NAV2: variants seen among roughly 807,000 people sequenced by gnomAD.
The protein encoded by NAV2 is neuron navigator 2, also known as helicase, APC down-regulated 1.
A neutral mutation model predicts 223.2 loss-of-function variants in NAV2; 54 were observed. The ratio of observed to expected loss-of-function variants is 0.24; its 90% CI spans 0.19 to 0.30. NAV2 has a LOEUF of 0.30. Among genes scored for constraint, NAV2 ranks in the 10% least tolerant of loss-of-function variants. The pLI is 1.00. For missense variants in NAV2, 2,806 were observed against 3,147.5 expected (o/e 0.89, Z 2.60); for synonymous variants, 1,279 against 1,239.3 (o/e 1.03, Z -0.67).
At chr11:19,482,448 T>C (rs2042309353) in intron 1 of NAV2, among the ~76,000 whole-genome samples, 1 of 152,270 alleles carries the variant, frequency 6.6e-6, no homozygotes, top group African/African-American at 2.4e-5. Flanking sequence ...TTGTTGCCTG[T>C]GGAACTGGAA....
At chr11:19,629,206 C>T (rs1349143135) in intron 1 of NAV2, among the ~76,000 whole-genome samples, 1 of 152,086 alleles carries the variant, frequency 6.6e-6, no homozygotes, top group African/African-American at 2.4e-5. Flanking sequence ...GCCCCAACCC[C>T]ACTCACCAGC....
At chr11:19,468,164 C>T (rs1487710156) in intron 1 of NAV2, among the ~76,000 whole-genome samples, 1 of 152,204 alleles carries the variant, frequency 6.6e-6, no homozygotes, top group East Asian at 1.9e-4. Context: ...CCACTACTCA[C>T]TTGCTGCGTG....
chr11:19,683,284 G>A (rs764319315), intron 1 of NAV2, among the ~76,000 whole-genome samples: 7 of 152,136 alleles, frequency 4.6e-5, no homozygotes, highest in East Asian at 1.9e-4. Flanking sequence ...TCCTCTAAAC[G>A]GAATGTCAGG....
In NAV2 at chr11:19,359,405, CA is replaced by C. The variant is rs1853804439; in HGVS notation, c.75+8379del. Among the ~76,000 whole-genome samples the C allele has an allele frequency of 3.3e-5, 5 of 152,164 alleles. No individual in the cohort carries two copies. In the South Asian group the frequency reaches 1.0e-3, roughly 32 times the overall value. The stretch of plus-strand genomic sequence containing the variant: ...TGACAGGTGACCTGGAAGGTCATTT[CA>C]TTGATGTCTGTGTTGGCTGATCATT... On this transcript the variant is annotated intron_variant, in intron 1 of 37. Coordinates refer to the NAV2 transcript ENST00000360655.
chr11:19,617,469 G>A (rs912002456), intron 1 of NAV2, among the ~76,000 whole-genome samples: 2 of 152,184 alleles, frequency 1.3e-5, no homozygotes, highest in African/African-American at 2.4e-5. Context: ...GCTCTGCTTT[G>A]AGGATTCTGT....
chr11:19,946,324 C>A, intron 8 of NAV2, 77 bp from the exon 9 acceptor site: 1 of 1,310,550 alleles, frequency 7.6e-7, no homozygotes, highest in South Asian at 1.4e-5. Flanking sequence ...TGGTTATGGT[C>A]ATAGACATGG....
In NAV2 at chr11:20,045,095, C is replaced by T. The variant is rs1178869257; in HGVS notation, c.3327C>T (p.Ser1109=). Residue 1109 remains serine, a synonymous_variant, in exon 14 of 38, where the codon AGC becomes AGT. Coordinates refer to ENST00000349880, the MANE Select transcript of NAV2 (RefSeq NM_145117.5). ...AATCCAAAAAGCCCCTCCCCAGCAG[C>T]TCTAGGACACCTACTGCCAATGCCA... ...GDESKKPLPS[S]SRTPTANANS... 4.3e-6 allele frequency: 7 copies of T among 1,614,094 alleles called. No individual in the cohort carries two copies. Among genetic ancestry groups the T allele is most frequent in the Non-Finnish European group, 5.9e-6 (7 of 1,180,036 alleles).
At chr11:19,707,346 G>A (rs2049695030) in intron 1 of NAV2, among the ~76,000 whole-genome samples, 1 of 152,108 alleles carries the variant, frequency 6.6e-6, no homozygotes, top group African/African-American at 2.4e-5. Flanking sequence ...ACATTGTACA[G>A]CTATACAAAA....
At chr11:19,827,504 A>G (rs1257760749) in intron 1 of NAV2, among the ~76,000 whole-genome samples, 2 of 152,114 alleles carry the variant, frequency 1.3e-5, no homozygotes, top group African/African-American at 4.8e-5. Context: ...TCCCTGTTTT[A>G]TGGAGGATAA....
intron 1 of NAV2, among the ~76,000 whole-genome samples, chr11:19,486,637 T>C (rs1190518956): frequency 3.9e-5 from 6 of 152,198 alleles, no homozygotes; most frequent in Non-Finnish European, 8.8e-5. Context: ...GATTGTAAAT[T>C]TCCTGAGGCC....
intron 1 of NAV2, among the ~76,000 whole-genome samples, chr11:19,784,956 A>G (rs1301370116): frequency 6.6e-6 from 1 of 152,184 alleles, no homozygotes; most frequent in Non-Finnish European, 1.5e-5. Context: ...GAAGGGGTTG[A>G]GGATATACAA....
At chr11:19,612,812 C>G (rs1386244674) in intron 1 of NAV2, among the ~76,000 whole-genome samples, 5 of 152,234 alleles carry the variant, frequency 3.3e-5, no homozygotes. Context: ...TGCCTGTTAC[C>G]AAGTTCCAAA....
chr11:19,521,657 G>C (rs772832313), intron 1 of NAV2, among the ~76,000 whole-genome samples: 1 of 152,116 alleles, frequency 6.6e-6, no homozygotes, highest in African/African-American at 2.4e-5. Context: ...TGATATCAGT[G>C]AGCACTTATT....
At chr11:19,382,278 G>A (rs1038075008) in intron 1 of NAV2, among the ~76,000 whole-genome samples, 6 of 152,172 alleles carry the variant, frequency 3.9e-5, no homozygotes, top group African/African-American at 1.2e-4. Flanking sequence ...AGACAGCTTT[G>A]GCTATAGAAT....
chr11:19,688,465 C>A (rs1269172623), intron 1 of NAV2, among the ~76,000 whole-genome samples: 1 of 152,144 alleles, frequency 6.6e-6, no homozygotes, highest in African/African-American at 2.4e-5. Context: ...AAACCTGCAG[C>A]AAGCATCTTT....
intron 1 of NAV2, among the ~76,000 whole-genome samples, chr11:19,602,957 T>C (rs377284407): frequency 8.6e-5 from 13 of 152,022 alleles, no homozygotes; most frequent in African/African-American, 3.1e-4. Flanking sequence ...GTCTGAAAGA[T>C]GGAGAAAGGG....
At chr11:20,007,914 T>C (rs2053222060) in intron 11 of NAV2, among the ~76,000 whole-genome samples, 1 of 152,256 alleles carries the variant, frequency 6.6e-6, no homozygotes, top group Non-Finnish European at 1.5e-5. Context: ...TGTAAAAACA[T>C]TTTATGTTCA....
At chr11:19,961,082 A>G (rs2048322462) in intron 10 of NAV2, among the ~76,000 whole-genome samples, 1 of 151,592 alleles carries the variant, frequency 6.6e-6, no homozygotes, top group South Asian at 2.1e-4. Flanking sequence ...AGAAAACCAA[A>G]TCCATATTTC....
At chr11:20,084,167 G>T (rs376745569) in intron 26 of NAV2, among the ~76,000 whole-genome samples, 1 of 152,174 alleles carries the variant, frequency 6.6e-6, no homozygotes, top group Admixed American at 6.5e-5. Context: ...GCATGATCTC[G>T]GCTCACTGCA....
Sources: gnomAD v4.1 joint callset for allele counts (sites outside exome capture counted in the v4.1 genomes callset) on GRCh38, gnomAD v4.1.1 for gene constraint, MANE v1.5 for transcripts, NCBI Gene and HGNC (gene_info 2026-07-23, HGNC 2026-07-21) for gene names.